Variants in DNAJB12 observed in about 807,000 individuals in gnomAD.
The protein encoded by DNAJB12 is dnaJ homolog subfamily B member 12.
DNAJB12 carries 14 observed loss-of-function variants against 40.6 expected under a neutral mutation model. That is an observed-to-expected ratio of 0.34 (90% CI 0.23 to 0.54). The LOEUF (loss-of-function observed/expected upper bound fraction) is 0.54. Ranked by LOEUF, DNAJB12 falls within the 20% of genes least tolerant of loss-of-function variation. The pLI, the probability that DNAJB12 is intolerant of heterozygous loss-of-function variation, is 0.92. For missense variants in DNAJB12, 444 were observed against 501.7 expected (o/e 0.89, Z 1.10); for synonymous variants, 181 against 199.5 (o/e 0.91, Z 0.78).
At chr10:72,340,728 C>A in intron 5 of DNAJB12, 61 bp downstream of exon 5, 1 of 1,537,650 alleles carries the variant, frequency 6.5e-7, no homozygotes, top group South Asian at 1.2e-5. Flanking sequence ...TCCTCCAAGC[C>A]CCCTCCCTGG....
intron 1 of DNAJB12, chr10:72,353,736 T>C (rs1861990787): frequency 6.6e-6 from 1 of 152,170 alleles, no homozygotes; most frequent in South Asian, 2.1e-4. Context: ...ATGGGTATTA[T>C]TGCCAATCAC....
At chr10:72,337,238 C>T (rs560231456) in intron 6 of DNAJB12, among the ~76,000 whole-genome samples, 14 of 152,384 alleles carry the variant, frequency 9.2e-5, no homozygotes, top group Admixed American at 9.1e-4. Flanking sequence ...CCCTAGTCCT[C>T]TGCTCCTCAC....
intron 1 of DNAJB12, 41 bp downstream of exon 1, chr10:72,354,724 C>T: frequency 6.5e-7 from 1 of 1,536,290 alleles, no homozygotes; most frequent in African/African-American, 1.4e-5. Context: ...TTCCCCCCAT[C>T]AGTTCTAATG....
rs760473597 is a variant in DNAJB12, at chr10:72,345,010, C to G, written c.251G>C (p.Gly84Ala). Residue 84 changes from glycine (G) to alanine (A), a missense_variant, in exon 2 of 9, where the codon GGT becomes GCT. Coordinates refer to ENST00000444643, the MANE Select transcript of DNAJB12 (RefSeq NM_017626.7). ...AGGTDAPSAN[G>A]EAGGESTKGY... ...TTTGGTGCTCTCTCCTCCAGCTTCA[C>G]CGTTGGCCGAGGGGGCATCGGTCCC... 6.2e-7 allele frequency: 1 copy of G among 1,614,224 alleles called. No homozygotes were observed. The highest frequency in any genetic ancestry group is 1.1e-5 in the South Asian group (1 of 91,086).
chr10:72,344,902 T>C (rs371376237), intron 2 of DNAJB12, 48 bp downstream of exon 2: 4 of 1,607,842 alleles, frequency 2.5e-6, no homozygotes, highest in South Asian at 1.1e-5. Flanking sequence ...AGGAAGCCTC[T>C]AGATTTCCCC....
chr10:72,345,946 A>C (rs369953847), intron 1 of DNAJB12, among the ~76,000 whole-genome samples: 40 of 151,952 alleles, frequency 2.6e-4, no homozygotes, highest in African/African-American at 9.6e-4. Context: ...TTCGTTTTAC[A>C]TGAACAAAAT....
intron 3 of DNAJB12, 95 bp downstream of exon 3, chr10:72,343,271 T>C: frequency 6.7e-7 from 1 of 1,482,446 alleles, no homozygotes; most frequent in Non-Finnish European, 9.1e-7. Context: ...TTCCTCCTGC[T>C]CCCTGCTTCC....
chr10:72,340,536 G>A lies in DNAJB12; in HGVS notation c.723+253C>T, dbSNP rs199840854. ...AACCTGGCTGTGGGTGGGGTTTCTG[G>A]TTCCACTCCCCAGCCAGGCCAGCAA... is the stretch of plus-strand genomic sequence containing the variant. On this transcript the variant is annotated intron_variant, in intron 5 of 8. Coordinates refer to ENST00000444643, the MANE Select transcript of DNAJB12 (RefSeq NM_017626.7). Among the ~76,000 whole-genome samples the A allele has an allele frequency of 2.6e-5, 4 of 152,284 alleles. No homozygotes were observed. The East Asian group carries it at 7.8e-4, about 30-fold the overall frequency.
intron 5 of DNAJB12, among the ~76,000 whole-genome samples, chr10:72,340,334 C>A (rs1427935307): frequency 1.3e-5 from 2 of 151,010 alleles, no homozygotes; most frequent in Non-Finnish European, 1.5e-5. Context: ...GAGAGCAAGA[C>A]TCCATCTCAA....
chr10:72,335,799 C>T lies in DNAJB12; in HGVS notation c.*11G>A, dbSNP rs201919291. The T allele has an allele frequency of 1.9e-6, 3 of 1,613,238 alleles. No individual in the cohort carries two copies. In the Middle Eastern group the frequency reaches 5.0e-4, roughly 267 times the overall value. ...TCATACTTGGACCTCGGTGGTGTGG[C>T]TGGCCCAGGACTATCCATGCAGGGA... On this transcript the variant is annotated 3_prime_UTR_variant, in exon 8 of 9. Coordinates refer to ENST00000444643, the MANE Select transcript of DNAJB12 (RefSeq NM_017626.7). This position sits in a 1 kb window ranked among gnomAD's most constrained non-coding sequence, Gnocchi z 4.4.
intron 1 of DNAJB12, among the ~76,000 whole-genome samples, chr10:72,352,840 G>A (rs1861967308): frequency 1.3e-5 from 2 of 152,172 alleles, no homozygotes; most frequent in Non-Finnish European, 2.9e-5. Context: ...CATCTGGGAT[G>A]AGCCTAAACC....
chr10:72,342,060 C>A (rs940959735), intron 3 of DNAJB12, among the ~76,000 whole-genome samples: 4 of 152,214 alleles, frequency 2.6e-5, no homozygotes, highest in Admixed American at 2.6e-4. Flanking sequence ...CACACAATAT[C>A]CTTATTGTGA....
At chr10:72,348,867 C>A (rs1032250509) in intron 1 of DNAJB12, among the ~76,000 whole-genome samples, 1 of 152,154 alleles carries the variant, frequency 6.6e-6, no homozygotes, top group African/African-American at 2.4e-5. Context: ...GTCACAGCAG[C>A]CTTAGAAGGA....
intron 1 of DNAJB12, among the ~76,000 whole-genome samples, chr10:72,350,147 C>G (rs1184719472): frequency 1.3e-5 from 2 of 152,052 alleles, no homozygotes; most frequent in Admixed American, 6.6e-5. Context: ...CACCTGTCAT[C>G]TCAGCACTTT....
At position 72,335,197 on chromosome 10, in the gene DNAJB12, C is replaced by T. The variant is rs988528475; in HGVS notation, c.*31-580G>A. 9.9e-5 allele frequency: 98 copies of T among 986,846 alleles called. 1 individual carries two copies. Among genetic ancestry groups the T allele is most frequent in the Admixed American group, 1.2e-4 (2 of 16,356 alleles). The allele number at this position is 986,846 out of a possible 1,614,324, so 61.1% of individuals were successfully genotyped here. A position where few individuals can be genotyped will look rare whatever the true frequency, so the allele number is the denominator to read the frequency against. On this transcript the variant is annotated intron_variant, in intron 8 of 8. Transcript: ENST00000444643. The surrounding 1 kb of genome is among the most constrained non-coding windows in gnomAD (Gnocchi z 4.4). ...CCACCAGAGGGGGGTGGTCAGGGCC[C>T]GCGGCCCCTGCCGCCACCAAGACTG...
rs188359793 is a variant in DNAJB12, at chr10:72,334,504, G to A, written c.*144C>T. 8.1e-5 allele frequency: 118 copies of A among 1,461,768 alleles called. No individual in the cohort carries two copies. The highest frequency in any genetic ancestry group is 7.7e-4 in the African/African-American group (55 of 71,574). The allele number at this position is 1,461,768 out of a possible 1,614,324, so 90.5% of individuals were successfully genotyped here. A position where few individuals can be genotyped will look rare whatever the true frequency, so the allele number is the denominator to read the frequency against. On this transcript the variant is annotated 3_prime_UTR_variant, in exon 9 of 9. Coordinates refer to ENST00000444643, the MANE Select transcript of DNAJB12 (RefSeq NM_017626.7). ...GTGAGAGAGAGGGCAGCTGTGCAGCGTTCGGCCTCCAATTCCATTTTAATT... is the reference window on the plus strand; with the variant it reads ...GTGAGAGAGAGGGCAGCTGTGCAGCATTCGGCCTCCAATTCCATTTTAATT...
At chr10:72,349,698 T>C (rs1398192841) in intron 1 of DNAJB12, among the ~76,000 whole-genome samples, 3 of 152,102 alleles carry the variant, frequency 2.0e-5, no homozygotes, top group Non-Finnish European at 4.4e-5. Context: ...ACAGGCTCTC[T>C]CTTGTACCTC....
intron 1 of DNAJB12, among the ~76,000 whole-genome samples, chr10:72,352,297 C>T (rs1204023182): frequency 2.0e-5 from 3 of 152,154 alleles, no homozygotes; most frequent in African/African-American, 7.2e-5. Context: ...TCTCTGTATA[C>T]GAATTACCAC....
In DNAJB12 at chr10:72,343,296, T is replaced by C. The variant is rs115593613; in HGVS notation, c.457+70A>G. 1.4e-3 allele frequency: 2,173 copies of C among 1,546,984 alleles called. 26 individuals are homozygous for C. In the African/African-American group the frequency reaches 0.025, roughly 18 times the overall value. On this transcript the variant is annotated intron_variant, in intron 3 of 8. Transcript: ENST00000444643. ...TCCCTGCTTCCTGGGAAAGCTGTCT[T>C]GGTCCCTTACTCCCTGCCATGGACA...
Sources: allele counts gnomAD v4.1 joint callset (sites outside exome capture counted in the v4.1 genomes callset), GRCh38; gene constraint gnomAD v4.1.1; non-coding constraint Gnocchi (gnomAD v3.1); transcripts MANE v1.5; gene names NCBI Gene and HGNC (gene_info 2026-07-23, HGNC 2026-07-21).